PCDH11X: variants seen among roughly 807,000 people sequenced by gnomAD.
PCDH11X encodes the protein protocadherin-11 X-linked.
Under a neutral mutation model 53.3 loss-of-function variants are expected in PCDH11X, and 18 were observed. That is an observed-to-expected ratio of 0.34 (90% CI 0.23 to 0.50). The LOEUF is 0.50. Among genes scored for constraint, PCDH11X ranks in the 20% least tolerant of loss-of-function variants. PCDH11X has a pLI of 0.98. For missense variants in PCDH11X, 570 were observed against 1,032.4 expected (o/e 0.55, Z 6.14); for synonymous variants, 279 against 393.3 (o/e 0.71, Z 3.44).
rs1467741568 is a variant in PCDH11X at position 91,835,657 on chromosome X, G to T, written c.153G>T (p.Leu51=). 1 of 1,211,336 alleles carries T rather than the reference G, an allele frequency of 8.3e-7. No individual in the cohort carries two copies. The highest frequency in any genetic ancestry group is 1.8e-5 in the South Asian group (1 of 56,921). ...GDLLKDLNLS[L]IPNKSLTTAM... ...TGTTGAAAGACCTTAACTTGTCGCT[G>T]ATTCCAAACAAGTCCTTGACAACTG... The change falls in exon 5 of 11, where the codon CTG becomes CTT. Residue 51 remains leucine, a synonymous_variant. Coordinates refer to ENST00000682573, the MANE Select transcript of PCDH11X (RefSeq NM_032968.5).
chrX:92,577,549 G>A (rs1431326663), intron 10 of PCDH11X, among the ~76,000 whole-genome samples: 3 of 108,303 alleles, frequency 2.8e-5, no homozygotes, highest in Non-Finnish European at 3.8e-5. Flanking sequence ...TCTTTTTCAG[G>A]TCCACTCTGA....
chrX:92,257,979 A>G (rs933376072), intron 7 of PCDH11X, among the ~76,000 whole-genome samples: 16 of 112,549 alleles, frequency 1.4e-4, no homozygotes, highest in African/African-American at 5.2e-4. Flanking sequence ...CCCCTGGAGC[A>G]GGCTTCTTCC....
intron 8 of PCDH11X, among the ~76,000 whole-genome samples, chrX:92,278,804 C>T (rs1043103666): frequency 1.4e-5 from 1 of 72,844 alleles, no homozygotes; most frequent in Non-Finnish European, 2.4e-5. Context: ...AGTCTCTTTT[C>T]AGTTTTTTTT....
intron 6 of PCDH11X, among the ~76,000 whole-genome samples, chrX:92,141,735 T>C (rs1287820540): frequency 8.9e-6 from 1 of 112,027 alleles, no homozygotes; most frequent in African/African-American, 3.2e-5. Flanking sequence ...TTATAATACA[T>C]CTATTATGTG....
chrX:92,033,841 T>C (rs1254864870), intron 6 of PCDH11X, among the ~76,000 whole-genome samples: 1 of 110,622 alleles, frequency 9.0e-6, no homozygotes, highest in Non-Finnish European at 1.9e-5. Context: ...AGTTAGGTTA[T>C]GTATTTGAAG....
chrX:92,374,971 A>G (rs1306447135), intron 8 of PCDH11X, among the ~76,000 whole-genome samples: 1 of 106,792 alleles, frequency 9.4e-6, no homozygotes, highest in Non-Finnish European at 1.9e-5. Context: ...ATATGAATAT[A>G]TGGATAAGCA....
intron 8 of PCDH11X, among the ~76,000 whole-genome samples, chrX:92,321,699 T>C (rs1352996404): frequency 4.5e-5 from 5 of 111,303 alleles, no homozygotes; most frequent in African/African-American, 1.3e-4. Flanking sequence ...TCTTATGATC[T>C]CAATTTTAAC....
At chrX:92,080,792 A>T (rs1479880802) in intron 6 of PCDH11X, among the ~76,000 whole-genome samples, 1 of 111,588 alleles carries the variant, frequency 9.0e-6, no homozygotes, top group Non-Finnish European at 1.9e-5. Context: ...GACAAAGTGT[A>T]ATAAATTGTG....
intron 7 of PCDH11X, chrX:92,262,854 G>T (rs2067747188): frequency 5.8e-6 from 1 of 173,031 alleles, no homozygotes; most frequent in Admixed American, 9.5e-5. Flanking sequence ...TGTGCCAATT[G>T]AAATTTTGTA....
intron 8 of PCDH11X, among the ~76,000 whole-genome samples, chrX:92,311,073 A>G (rs2068939382): frequency 8.9e-6 from 1 of 111,955 alleles, no homozygotes; most frequent in South Asian, 3.7e-4. Context: ...CTATTAGATG[A>G]GAAACGGATG....
At chrX:92,234,807 T>G (rs1465094979) in intron 7 of PCDH11X, among the ~76,000 whole-genome samples, 1 of 111,490 alleles carries the variant, frequency 9.0e-6, no homozygotes, top group Non-Finnish European at 1.9e-5. Context: ...CAATGAGTTT[T>G]ACACACATGT....
chrX:92,061,573 G>A (rs777755980), intron 6 of PCDH11X, among the ~76,000 whole-genome samples: 4 of 108,961 alleles, frequency 3.7e-5, no homozygotes, highest in Admixed American at 3.0e-4. Flanking sequence ...TCCATTGCTT[G>A]TTTTTGTCAA....
At chrX:92,013,613 C>T (rs1175327720) in intron 6 of PCDH11X, among the ~76,000 whole-genome samples, 1 of 111,770 alleles carries the variant, frequency 8.9e-6, no homozygotes, top group African/African-American at 3.3e-5. Flanking sequence ...GGAGGCATCA[C>T]ACCACCTGAC....
At chrX:92,013,434 TATC>T (rs2062728433) in intron 6 of PCDH11X, among the ~76,000 whole-genome samples, 1 of 111,484 alleles carries the variant, frequency 9.0e-6, no homozygotes, top group Admixed American at 9.5e-5. Context: ...GAAGAATCAA[TATC>T]ATGAAAATGG....
At chrX:92,511,549 G>A (rs111976234) in intron 10 of PCDH11X, among the ~76,000 whole-genome samples, 1,515 of 111,661 alleles carry the variant, frequency 0.014, 26 homozygotes, top group African/African-American at 0.047. Flanking sequence ...CTGTCACAGA[G>A]TATTTTCTAA....
At chrX:92,017,488 C>T (rs1419277306) in intron 6 of PCDH11X, among the ~76,000 whole-genome samples, 2 of 104,308 alleles carry the variant, frequency 1.9e-5, no homozygotes, top group Non-Finnish European at 3.9e-5. Context: ...CGCTTGAGGT[C>T]AGGAGTTCAA....
At chrX:91,833,886 T>A (rs1460922170) in intron 4 of PCDH11X, among the ~76,000 whole-genome samples, 1 of 111,599 alleles carries the variant, frequency 9.0e-6, no homozygotes, top group African/African-American at 3.3e-5. Context: ...TATGTAGTCC[T>A]CCTGTTTTTA....
chrX:92,534,580 A>G (rs1272241000), intron 10 of PCDH11X, among the ~76,000 whole-genome samples: 32 of 97,429 alleles, frequency 3.3e-4, no homozygotes, highest in East Asian at 6.7e-4. Flanking sequence ...CCTCGAGAAG[A>G]GCAACCCCAA....
intron 8 of PCDH11X, among the ~76,000 whole-genome samples, chrX:92,265,365 T>C (rs2067806659): frequency 9.0e-6 from 1 of 111,058 alleles, no homozygotes; most frequent in Admixed American, 9.7e-5. Context: ...TGCTCAGGTT[T>C]GATGTCAAGC....
Sources: gnomAD v4.1 joint callset for allele counts (sites outside exome capture counted in the v4.1 genomes callset) on GRCh38, gnomAD v4.1.1 for gene constraint, MANE v1.5 for transcripts, NCBI Gene and HGNC (gene_info 2026-07-23, HGNC 2026-07-21) for gene names.